PLXNB3: variants seen among roughly 807,000 people sequenced by gnomAD.
The protein encoded by PLXNB3 is plexin B3.
A neutral mutation model predicts 125.7 loss-of-function variants in PLXNB3; 80 were observed. The ratio of observed to expected loss-of-function variants is 0.64; its 90% CI spans 0.53 to 0.77. The LOEUF is 0.77. Ranked by LOEUF, PLXNB3 falls within the 30% of genes least tolerant of loss-of-function variation. The pLI is 0.00. For synonymous variants in PLXNB3, 954 were observed against 783.3 expected, an observed-to-expected ratio of 1.22 and a Z score of -3.64; for missense variants, 1,836 against 1,729.3, an observed-to-expected ratio of 1.06 and a Z score of -1.09.
rs782011095 is a variant in PLXNB3, at chrX:153,767,142, C to T, written c.315C>T (p.Ala105=). The T allele has an allele frequency of 3.7e-5, 45 of 1,208,133 alleles. No homozygotes were observed. Among genetic ancestry groups the T allele is most frequent in the Middle Eastern group, 2.3e-4 (1 of 4,368 alleles). ...ACTGCGTGCCCTTCCGTGACCCAGC[C>T]GAGTGCCCACAGGCCCAGCTCACTG... The part of the protein sequence containing the change: ...SPDCVPFRDP[A]ECPQAQLTDN... Residue 105 remains alanine (A), a synonymous_variant, in exon 3 of 36, where the codon GCC becomes GCT. Transcript: ENST00000361971.
In PLXNB3 at chrX:153,767,083, G is replaced by A. The variant is rs147141867; in HGVS notation, c.256G>A (p.Val86Met). 5.5e-5 allele frequency: 67 copies of A among 1,209,069 alleles called. No individual in the cohort carries two copies. The African/African-American group carries it at 7.6e-4, about 14-fold the overall frequency. ...QLSPELQLEA[V>M]AVTGPVIDSP... is the part of the protein sequence containing the mutation. Reference sequence around the variant, plus strand: ...CAGCCCCGAGCTGCAGCTCGAGGCCGTGGCTGTCACTGGCCCTGTAATCGA... The same window carrying A: ...CAGCCCCGAGCTGCAGCTCGAGGCCATGGCTGTCACTGGCCCTGTAATCGA... The change falls in exon 3 of 36, where the codon GTG (valine) becomes ATG (methionine). Residue 86 changes from valine to methionine, a missense_variant. Val to Met is a conservative substitution (Grantham distance 21). Transcript: ENST00000361971.
Position 153,775,648 on chromosome X carries a change from C to T in PLXNB3, c.4389C>T (p.Tyr1463=), listed in dbSNP as rs782109821. The T allele has an allele frequency of 4.9e-5, 59 of 1,208,502 alleles. No individual in the cohort carries two copies. In the South Asian group the frequency reaches 9.2e-4, roughly 19 times the overall value. Residue 1463 remains tyrosine, a synonymous_variant, in exon 26 of 36, where the codon TAC becomes TAT. Transcript: ENST00000361971. ...LLTNWLSICL[Y]AFLREVAGEP... ...CCAACTGGCTGTCCATCTGCCTGTA[C>T]GCCTTCCTGAGGGTGAGGGGCACTG...
In PLXNB3 at chrX:153,775,345, C is replaced by T; in HGVS notation, c.4276C>T (p.Leu1426=). 2.5e-6 allele frequency: 3 copies of T among 1,210,609 alleles called. No individual in the cohort carries two copies. Among genetic ancestry groups the T allele is most frequent in the Non-Finnish European group, 3.4e-6 (3 of 895,115 alleles). The change falls in exon 25 of 36, where the codon CTG becomes TTG. Residue 1426 remains leucine, a synonymous_variant. Transcript: ENST00000361971. The part of the protein sequence containing the change: ...LEYLTDIMRT[L]LGDLAAHYVH... ...GTACCTGACGGACATCATGAGGACC[C>T]TGCTGGGTGACCTGGCGGCCCATTA...
chrX:153,766,914 C>A lies in PLXNB3; in HGVS notation c.87C>A (p.Leu29=). The change falls in exon 3 of 36, where the codon CTC becomes CTA. Residue 29 remains leucine, a synonymous_variant. Transcript: ENST00000361971. ...MARWPPFGLC[L]LLLLLSPPPL... ...GCTGGCCTCCCTTCGGCCTCTGCCT[C>A]CTCCTGCTGCTGCTGTCCCCACCGC... 1 of 1,208,373 alleles carries A rather than the reference C, an allele frequency of 8.3e-7. No homozygotes were observed. The highest frequency in any genetic ancestry group is 1.1e-6 in the Non-Finnish European group (1 of 894,742).
chrX:153,768,585 C>T (rs185691476), intron 4 of PLXNB3, among the ~76,000 whole-genome samples, 157 bp downstream of exon 4: 4 of 113,064 alleles, frequency 3.5e-5, no homozygotes, highest in South Asian at 7.2e-4. Context: ...CCCTGCAGCC[C>T]GGCCTTCACC....
chrX:153,766,498 GC>G (rs2091859702), intron 2 of PLXNB3: 1 of 992,239 alleles, frequency 1.0e-6, no homozygotes, highest in Non-Finnish European at 1.3e-6. Context: ...CTCCATCCCT[GC>G]CCCCTCTGTG....
chrX:153,764,420 G>A (rs1557058565), intron 1 of PLXNB3, 116 bp downstream of exon 1: 1 of 113,081 alleles, frequency 8.8e-6, no homozygotes, highest in African/African-American at 3.2e-5. Flanking sequence ...AGAGCGCTCG[G>A]GTGTCGGCCC....
In PLXNB3 at chrX:153,776,081, C is replaced by G; in HGVS notation, c.4596C>G (p.Ser1532Arg). The G allele has an allele frequency of 1.7e-6, 2 of 1,193,832 alleles. No homozygotes were observed. Among genetic ancestry groups the G allele is most frequent in the Non-Finnish European group, 2.3e-6 (2 of 886,911 alleles). Reference protein sequence around the residue: ...VGPGAGGAAGSSEMQRVPARV... With the variant: ...VGPGAGGAAGRSEMQRVPARV... ...CCGGGGCTGGCGGGGCCGCAGGCAG[C>G]AGCGAGATGCAGCGCGTGCCAGCCC... Residue 1532 changes from serine to arginine, a missense_variant, in exon 27 of 36, where the codon AGC (serine) becomes AGG (arginine). Ser to Arg is a moderately radical substitution (Grantham distance 110). Coordinates refer to ENST00000361971, the MANE Select transcript of PLXNB3 (RefSeq NM_005393.3).
rs782732695 is a variant in PLXNB3, at chrX:153,774,354, T to C, written c.3678+10T>C. Reference sequence around the variant, plus strand: ...CCTGCCACAGTTCGTGGTGAGTCCGTGCCCTGGGTGGGCAGGTGGACCGGG... The same window carrying C: ...CCTGCCACAGTTCGTGGTGAGTCCGCGCCCTGGGTGGGCAGGTGGACCGGG... On this transcript the variant is annotated intron_variant, in intron 21 of 35. Transcript: ENST00000361971. 1.7e-6 allele frequency: 2 copies of C among 1,156,308 alleles called. No individual in the cohort carries two copies.
intron 6 of PLXNB3, 123 bp downstream of exon 6, chrX:153,769,385 C>G: frequency 3.8e-6 from 2 of 529,154 alleles, no homozygotes; most frequent in South Asian, 6.2e-5. Context: ...CTCAGGGCCA[C>G]CACGGAGGTC....
At position 153,774,427 on chromosome X, in the gene PLXNB3, TG is replaced by T; in HGVS notation, c.3689del (p.Gly1230AlafsTer36). On this transcript the variant is annotated frameshift_variant, in exon 22 of 36. Transcript: ENST00000361971. LOFTEE classifies it high-confidence loss of function. ...GSGLPQFVVQ[M>X]GNVQLALGPV... Reference sequence around the variant, plus strand: ...ACCCTGCCCGCCCCCCAGGTGCAGATGGGCAATGTGCAGCTGGCCCTGGGCC... The same window carrying T: ...ACCCTGCCCGCCCCCCAGGTGCAGATGGCAATGTGCAGCTGGCCCTGGGCC... 8.4e-7 allele frequency: 1 copy of T among 1,189,786 alleles called. No homozygotes were observed.
intron 31 of PLXNB3, 69 bp downstream of exon 31, chrX:153,777,757 C>T: frequency 8.8e-7 from 1 of 1,139,658 alleles, no homozygotes. Flanking sequence ...CCAGGACATT[C>T]CCAGGGTGGA....
intron 4 of PLXNB3, 114 bp from the exon 5 acceptor site, chrX:153,768,834 C>T (rs932046630): frequency 6.8e-5 from 61 of 892,706 alleles, no homozygotes; most frequent in East Asian, 3.1e-4. Flanking sequence ...CTCGATGGCC[C>T]GGCAGGAAGG....
chrX:153,776,251 C>G, intron 27 of PLXNB3, 37 bp downstream of exon 27: 1 of 1,083,130 alleles, frequency 9.2e-7, no homozygotes, highest in Non-Finnish European at 1.3e-6. Context: ...CCCCAGGGAC[C>G]CTTCCCTACC....
At position 153,775,357 on chromosome X, in the gene PLXNB3, C is replaced by T. The variant is rs781899470; in HGVS notation, c.4288C>T (p.Leu1430=). ...TDIMRTLLGD[L]AAHYVHRNPK... ...CATCATGAGGACCCTGCTGGGTGAC[C>T]TGGCGGCCCATTACGTGCACAGGAA... The change falls in exon 25 of 36, where the codon CTG becomes TTG. Residue 1430 remains leucine (L), a synonymous_variant. Transcript: ENST00000361971. The T allele has an allele frequency of 1.7e-6, 2 of 1,210,085 alleles. No homozygotes were observed. The highest frequency in any genetic ancestry group is 3.4e-5 in the African/African-American group (2 of 58,053).
intron 16 of PLXNB3, 116 bp from the exon 17 acceptor site, chrX:153,772,770 G>A (rs781890849): frequency 4.8e-5 from 50 of 1,038,816 alleles, no homozygotes; most frequent in Admixed American, 1.9e-4. Flanking sequence ...TTGGCCCCAG[G>A]AGGTGAAGTC....
intron 1 of PLXNB3, among the ~76,000 whole-genome samples, 151 bp from the exon 2 acceptor site, chrX:153,765,320 G>T (rs1228933383): frequency 1.8e-5 from 2 of 113,009 alleles, no homozygotes; most frequent in South Asian, 7.2e-4. Context: ...TGTGGTGGAG[G>T]CAGGGCTGCC....
chrX:153,767,565 C>G lies in PLXNB3; in HGVS notation c.738C>G (p.Phe246Leu), dbSNP rs1418129228. ...GAFADARSAY[F>L]VFRRRGARAQ... ...TTGCCGACGCCCGCTCCGCCTACTT[C>G]GTGTTCCGCCGCCGCGGGGCCCGGG... The change falls in exon 3 of 36, where the codon TTC (phenylalanine) becomes TTG (leucine). Residue 246 changes from phenylalanine (F) to leucine (L), a missense_variant. By Grantham distance (22) the Phe-to-Leu change is conservative. Transcript: ENST00000361971. The G allele has an allele frequency of 4.3e-6, 5 of 1,172,618 alleles. No individual in the cohort carries two copies. The highest frequency in any genetic ancestry group is 1.8e-5 in the African/African-American group (1 of 56,709).
chrX:153,770,235 C>T lies in PLXNB3; in HGVS notation c.1773C>T (p.Asn591=). 8.3e-7 allele frequency: 1 copy of T among 1,210,919 alleles called. No individual in the cohort carries two copies. Among genetic ancestry groups the T allele is most frequent in the Non-Finnish European group, 1.1e-6 (1 of 895,378 alleles). The part of the protein sequence containing the change: ...VTPPQDQVPL[N]PPGTDHVTVP... ...CTCCCCAAGACCAGGTGCCACTTAA[C>T]CCTCCAGGCACAGGTGAGTGGCCCA... The change falls in exon 8 of 36, where the codon AAC becomes AAT. Residue 591 remains asparagine, a synonymous_variant. Coordinates refer to ENST00000361971, the MANE Select transcript of PLXNB3 (RefSeq NM_005393.3).
Sources: allele counts gnomAD v4.1 joint callset (sites outside exome capture counted in the v4.1 genomes callset), GRCh38; gene constraint gnomAD v4.1.1; transcripts MANE v1.5; gene names NCBI Gene and HGNC (gene_info 2026-07-23, HGNC 2026-07-21).